Variants in ANKRD36 observed in about 807,000 individuals in gnomAD.
ANKRD36 encodes the protein ankyrin repeat domain 36.
A neutral mutation model predicts 278.1 loss-of-function variants in ANKRD36; 179 were observed. That is an observed-to-expected ratio of 0.64 (90% CI 0.57 to 0.73). The LOEUF is 0.73. Ranked by LOEUF, ANKRD36 falls within the 30% of genes least tolerant of loss-of-function variation. ANKRD36 has a pLI of 0.00. For synonymous variants in ANKRD36, 320 were observed against 641.1 expected, an observed-to-expected ratio of 0.50 and a Z score of 7.57; for missense variants, 1,159 against 1,956.7, an observed-to-expected ratio of 0.59 and a Z score of 7.69.
At chr2:97,211,884 G>A (rs564768750) in intron 58 of ANKRD36, 143 bp downstream of exon 58, 101 of 1,146,626 alleles carry the variant, frequency 8.8e-5, no homozygotes, top group African/African-American at 1.4e-4. Flanking sequence ...ATAAGTTCTC[G>A]GGTGACCCTG....
rs117276344 is a variant in ANKRD36, at chr2:97,197,794, A to G, written c.2654-669A>G. Reference sequence around the variant, plus strand: ...ATATTTTTATTGAGGCTAAGATACTATCCTTTGGTGCCAAGACTGGATGAA... The same window carrying G: ...ATATTTTTATTGAGGCTAAGATACTGTCCTTTGGTGCCAAGACTGGATGAA... On this transcript the variant is annotated intron_variant, in intron 42 of 75. Coordinates refer to ENST00000420699, the MANE Select transcript of ANKRD36 (RefSeq NM_001354587.1). Among the ~76,000 whole-genome samples, 566 of 151,980 alleles carry G rather than the reference A, an allele frequency of 3.7e-3. 18 individuals are homozygous for G. The East Asian group carries it at 0.059, about 16-fold the overall frequency.
At chr2:97,168,455 G>A (rs2051389684) in intron 22 of ANKRD36, among the ~76,000 whole-genome samples, 1 of 152,230 alleles carries the variant, frequency 6.6e-6, no homozygotes, top group Non-Finnish European at 1.5e-5. Flanking sequence ...ATTAATGTTG[G>A]TTTGTTTGCT....
chr2:97,144,527 A>G lies in ANKRD36; in HGVS notation c.911A>G (p.Gln304Arg), dbSNP rs2043752631. 6.2e-7 allele frequency: 1 copy of G among 1,601,322 alleles called. No homozygotes were observed. Among genetic ancestry groups the G allele is most frequent in the African/African-American group, 1.3e-5 (1 of 74,808 alleles). Residue 304 changes from glutamine (Q) to arginine (R), a missense_variant, in exon 9 of 76, where the codon CAG (glutamine) becomes CGG (arginine). Physicochemically the swap from Gln to Arg is conservative, Grantham distance 43. Transcript: ENST00000420699. The stretch of plus-strand genomic sequence containing the variant: ...CCCTTTTGGTTTTCAGTGTCTTCTC[A>G]GAAACAACCGGCCTTGAAGGTATTA... ...DGQKSGTVSS[Q>R]KQPALKDTSD...
chr2:97,134,924 A>G (rs926284287), intron 6 of ANKRD36, among the ~76,000 whole-genome samples: 20 of 152,184 alleles, frequency 1.3e-4, no homozygotes, highest in African/African-American at 4.3e-4. Flanking sequence ...AGGAGCTAAA[A>G]AAGAAAGCTG....
chr2:97,196,649 A>G, intron 41 of ANKRD36, 28 bp downstream of exon 41: 1 of 1,602,952 alleles, frequency 6.2e-7, no homozygotes, highest in East Asian at 2.3e-5. Context: ...TATCATGTGA[A>G]CGAGTTAATG....
Position 97,158,599 on chromosome 2 carries a change from T to G in ANKRD36, c.1333T>G (p.Cys445Gly), listed in dbSNP as rs918064006. ...QQSAENLDAA[C>G]GIDKTENGNM... ...TGTTTTTACTGTAGTAGATGCTGCA[T>G]GTGGCATTGACAAAACAGAAAATGG... Residue 445 changes from cysteine (C) to glycine (G), a missense_variant, in exon 17 of 76, where the codon TGT becomes GGT. By Grantham distance (159) the Cys-to-Gly change is radical. Transcript: ENST00000420699. The G allele has an allele frequency of 1.1e-5, 17 of 1,536,014 alleles. No homozygotes were observed. The African/African-American group carries it at 2.2e-4, about 20-fold the overall frequency.
chr2:97,194,898 T>C lies in ANKRD36; in HGVS notation c.2532T>C (p.Asp844=). Residue 844 remains aspartate (D), a synonymous_variant, in exon 40 of 76, where the codon GAT becomes GAC. Transcript: ENST00000420699. ...CGAATATAACCAGAGGAAAAAAGGA[T>C]GGAGAAATATCTAGGAAAGGTAATT... The part of the protein sequence containing the change: ...SFSNITRGKK[D]GEISRKVSSQ... 4 of 1,558,406 alleles carry C rather than the reference T, an allele frequency of 2.6e-6. No homozygotes were observed. Among genetic ancestry groups the C allele is most frequent in the Non-Finnish European group, 2.6e-6 (3 of 1,156,286 alleles).
intron 22 of ANKRD36, among the ~76,000 whole-genome samples, chr2:97,174,304 C>T (rs1432941724): frequency 2.0e-5 from 3 of 151,578 alleles, no homozygotes; most frequent in Admixed American, 6.6e-5. Context: ...AGTGAACTCA[C>T]TTCAGATGCA....
intron 3 of ANKRD36, among the ~76,000 whole-genome samples, chr2:97,122,260 A>G (rs1418788003): frequency 1.4e-5 from 2 of 142,348 alleles, no homozygotes; most frequent in African/African-American, 5.0e-5. Context: ...TCAAATGTTA[A>G]CATTCTCCAA....
chr2:97,129,041 A>G (rs1230055647), intron 6 of ANKRD36, among the ~76,000 whole-genome samples: 8 of 152,032 alleles, frequency 5.3e-5, no homozygotes, highest in Admixed American at 3.3e-4. Context: ...CTGAGGAATC[A>G]CCACACTGAC....
intron 46 of ANKRD36, 102 bp downstream of exon 46, chr2:97,200,627 T>A: frequency 4.0e-6 from 6 of 1,496,878 alleles, no homozygotes; most frequent in Non-Finnish European, 5.4e-6. Flanking sequence ...ACGTTCTGAT[T>A]CACCAAGCTT....
chr2:97,147,359 T>C (rs1287071612), intron 11 of ANKRD36, among the ~76,000 whole-genome samples: 1 of 151,916 alleles, frequency 6.6e-6, no homozygotes, highest in Non-Finnish European at 1.5e-5. Context: ...TAAGATCTTC[T>C]TTTATAGTTT....
intron 36 of ANKRD36, 72 bp downstream of exon 36, chr2:97,191,253 T>A: frequency 2.8e-6 from 4 of 1,446,264 alleles, no homozygotes; most frequent in Non-Finnish European, 2.8e-6. Context: ...CTGAATGAAT[T>A]GGCCTGGGGC....
intron 5 of ANKRD36, among the ~76,000 whole-genome samples, chr2:97,126,167 T>C (rs2038588211): frequency 7.4e-6 from 1 of 134,524 alleles, no homozygotes; most frequent in Non-Finnish European, 1.6e-5. Context: ...AGTATGTATC[T>C]TGGAAATGAG....
At chr2:97,132,547 ATT>A (rs2040439326) in intron 6 of ANKRD36, among the ~76,000 whole-genome samples, 1 of 151,474 alleles carries the variant, frequency 6.6e-6, no homozygotes, top group Non-Finnish European at 1.5e-5. Flanking sequence ...AGGAGAACAG[ATT>A]AGGGAAAGGT....
At chr2:97,136,580 AGG>A (rs2041573767) in intron 6 of ANKRD36, among the ~76,000 whole-genome samples, 1 of 151,814 alleles carries the variant, frequency 6.6e-6, no homozygotes, top group Non-Finnish European at 1.5e-5. Flanking sequence ...ATCCCCAAGT[AGG>A]TAGTGCCAGA....
At position 97,113,681 on chromosome 2, in the gene ANKRD36, G is replaced by C. The variant is rs2034203529; in HGVS notation, c.-59G>C. 1 of 1,605,518 alleles carries C rather than the reference G, an allele frequency of 6.2e-7. No individual in the cohort carries two copies. The highest frequency in any genetic ancestry group is 8.5e-7 in the Non-Finnish European group (1 of 1,175,900). ...TTGCTCGTTGTTGCTCTTCGGAGGC[G>C]GCGATCCCCGAAGGCGAGCTGAAAT... On this transcript the variant is annotated 5_prime_UTR_variant, in exon 1 of 76. Transcript: ENST00000420699.
At chr2:97,149,240 GTTTTC>G in intron 11 of ANKRD36, 50 bp from the exon 12 acceptor site, 2 of 1,467,734 alleles carry the variant, frequency 1.4e-6, no homozygotes, top group East Asian at 2.5e-5. Flanking sequence ...GACGGTTTTT[GTTTTC>G]TTTTAAGAAA....
chr2:97,185,025 A>C (rs1329721552), intron 28 of ANKRD36, among the ~76,000 whole-genome samples: 1 of 151,810 alleles, frequency 6.6e-6, no homozygotes, highest in African/African-American at 2.4e-5. Flanking sequence ...ATTTTAGATC[A>C]CTTTTGTCCT....
Sources: allele counts gnomAD v4.1 joint callset (sites outside exome capture counted in the v4.1 genomes callset), GRCh38; gene constraint gnomAD v4.1.1; transcripts MANE v1.5; gene names NCBI Gene and HGNC (gene_info 2026-07-23, HGNC 2026-07-21).